EDIL3: variants seen among roughly 807,000 people sequenced by gnomAD.
The protein encoded by EDIL3 is EGF like and discoidin domains 3, also known as EGF-like repeat and discoidin I-like domain-containing protein 3.
In EDIL3, 37 loss-of-function variants were observed where a neutral mutation model predicts 67.4. The ratio of observed to expected loss-of-function variants is 0.55; its 90% confidence interval spans 0.42 to 0.72. The LOEUF (loss-of-function observed/expected upper bound fraction) is 0.72. Among genes scored for constraint, EDIL3 ranks in the 30% least tolerant of loss-of-function variants. The pLI is 0.00. For missense variants in EDIL3, 527 were observed against 586.3 expected, an observed-to-expected ratio of 0.90 and a Z score of 1.04; for synonymous variants, 195 against 196.3, an observed-to-expected ratio of 0.99 and a Z score of 0.05.
chr5:84,135,272 G>C (rs1395706723), intron 5 of EDIL3, among the ~76,000 whole-genome samples: 1 of 152,096 alleles, frequency 6.6e-6, no homozygotes, highest in Non-Finnish European at 1.5e-5. Context: ...AAATGGGAAG[G>C]CTTCTCCCCC....
chr5:83,978,375 TATAAC>T (rs1272261350), intron 9 of EDIL3, among the ~76,000 whole-genome samples: 4 of 151,956 alleles, frequency 2.6e-5, no homozygotes, highest in Non-Finnish European at 4.4e-5. Flanking sequence ...AATGAAAAGA[TATAAC>T]ATATGTCATA....
At chr5:84,263,924 T>C (rs1236919684) in intron 1 of EDIL3, among the ~76,000 whole-genome samples, 2 of 151,974 alleles carry the variant, frequency 1.3e-5, no homozygotes, top group Non-Finnish European at 2.9e-5. Flanking sequence ...TACCAGGAAG[T>C]TTGAGCCTGG....
intron 6 of EDIL3, among the ~76,000 whole-genome samples, chr5:84,080,574 T>C (rs1746947797): frequency 6.6e-6 from 1 of 151,526 alleles, no homozygotes; most frequent in Admixed American, 6.6e-5. Flanking sequence ...GTTATTCTAC[T>C]TATGTAATCT....
intron 1 of EDIL3, among the ~76,000 whole-genome samples, chr5:84,363,132 G>C (rs1747649041): frequency 6.6e-6 from 1 of 151,898 alleles, no homozygotes; most frequent in Non-Finnish European, 1.5e-5. Flanking sequence ...AGTTCCTAGA[G>C]GGAAAATCTC....
At chr5:84,043,693 T>C (rs1746172010) in intron 9 of EDIL3, among the ~76,000 whole-genome samples, 1 of 152,174 alleles carries the variant, frequency 6.6e-6, no homozygotes, top group African/African-American at 2.4e-5. Flanking sequence ...GTATTTTTCA[T>C]GTTTTGAGAC....
chr5:84,216,982 C>A (rs559883870), intron 3 of EDIL3, among the ~76,000 whole-genome samples: 1 of 152,090 alleles, frequency 6.6e-6, no homozygotes, highest in Admixed American at 6.5e-5. Context: ...AAGACAAAAG[C>A]CCCTGAAGTT....
At chr5:84,276,151 TCCTATC>T (rs1041292829) in intron 1 of EDIL3, among the ~76,000 whole-genome samples, 1 of 152,130 alleles carries the variant, frequency 6.6e-6, no homozygotes, top group Non-Finnish European at 1.5e-5. Flanking sequence ...TGCCATCTCA[TCCTATC>T]TTATCTCATT....
chr5:84,242,980 C>T (rs1744828823), intron 2 of EDIL3, among the ~76,000 whole-genome samples: 1 of 151,996 alleles, frequency 6.6e-6, no homozygotes, highest in African/African-American at 2.4e-5. Flanking sequence ...AATCAATGAC[C>T]TTGGTCTAAT....
chr5:84,039,491 C>T (rs1281882335), intron 9 of EDIL3, among the ~76,000 whole-genome samples: 6 of 152,120 alleles, frequency 3.9e-5, no homozygotes, highest in Non-Finnish European at 7.4e-5. Context: ...AACTATTAGA[C>T]TTTTCAGTAT....
At chr5:84,075,892 A>ACG (rs757437475) in intron 6 of EDIL3, among the ~76,000 whole-genome samples, 552 of 35,130 alleles carry the variant, frequency 0.016, 3 homozygotes, top group African/African-American at 0.04. Context: ...GTGTGCACGC[A>ACG]CACACACACA....
At chr5:84,329,368 C>T (rs1746826923) in intron 1 of EDIL3, among the ~76,000 whole-genome samples, 2 of 151,944 alleles carry the variant, frequency 1.3e-5, no homozygotes, top group African/African-American at 4.8e-5. Context: ...TCAAGATAAA[C>T]AATTTAACTG....
intron 9 of EDIL3, among the ~76,000 whole-genome samples, chr5:84,046,986 C>T (rs913419794): frequency 6.6e-6 from 1 of 152,200 alleles, no homozygotes; most frequent in Non-Finnish European, 1.5e-5. Flanking sequence ...AGTAATCATA[C>T]ATGCAGGCAG....
intron 9 of EDIL3, among the ~76,000 whole-genome samples, chr5:84,033,415 T>C (rs1355409513): frequency 6.6e-6 from 1 of 152,138 alleles, no homozygotes; most frequent in African/African-American, 2.4e-5. Flanking sequence ...AATTCAAAGA[T>C]ATTAAAATAC....
At chr5:84,053,078 T>A (rs1417071997) in intron 9 of EDIL3, among the ~76,000 whole-genome samples, 1 of 152,144 alleles carries the variant, frequency 6.6e-6, no homozygotes, top group Non-Finnish European at 1.5e-5. Context: ...CCTCAGCAAA[T>A]GTAAAAGAAC....
intron 4 of EDIL3, among the ~76,000 whole-genome samples, chr5:84,155,502 G>A (rs1248613713): frequency 1.3e-5 from 2 of 152,024 alleles, no homozygotes; most frequent in East Asian, 3.9e-4. Flanking sequence ...TCATAACATT[G>A]GAGTATTCCA....
At chr5:84,040,482 TTATA>T (rs1458297147) in intron 9 of EDIL3, among the ~76,000 whole-genome samples, 3 of 149,196 alleles carry the variant, frequency 2.0e-5, no homozygotes, top group Non-Finnish European at 4.4e-5. Flanking sequence ...CATAATTTAA[TTATA>T]TATATAAAGG....
chr5:84,112,959 C>T (rs998659612), intron 5 of EDIL3, among the ~76,000 whole-genome samples: 3 of 152,110 alleles, frequency 2.0e-5, no homozygotes, highest in African/African-American at 7.2e-5. Context: ...CACTTACATG[C>T]TCTCAAAGGT....
chr5:84,319,494 C>CAAAAAAAAA lies in EDIL3; in HGVS notation c.67+64805_67+64813dup, dbSNP rs55738450. Among the ~76,000 whole-genome samples the CAAAAAAAAA allele has an allele frequency of 1.5e-3, 65 of 42,826 alleles. 1 individual carries two copies. Among genetic ancestry groups the CAAAAAAAAA allele is most frequent in the African/African-American group, 2.4e-3 (27 of 11,210 alleles). 28.1% of individuals were successfully genotyped at this position (42,826 alleles called of 152,430 possible). On this transcript the variant is annotated intron_variant, in intron 1 of 10. Coordinates refer to ENST00000296591, the MANE Select transcript of EDIL3 (RefSeq NM_005711.5). ...AAAAAAAACAAAAAACAAAAAACAA[C>CAAAAAAAAA]AAAAAAAAAAAAAAAAAAAAAAAAA...
At chr5:84,355,541 C>T (rs533775314) in intron 1 of EDIL3, among the ~76,000 whole-genome samples, 116 of 152,192 alleles carry the variant, frequency 7.6e-4, no homozygotes, top group African/African-American at 2.8e-3. Flanking sequence ...CAATCAGGCC[C>T]CTCTGCTGCA....
Sources: gnomAD v4.1 joint callset for allele counts (sites outside exome capture counted in the v4.1 genomes callset) on GRCh38, gnomAD v4.1.1 for gene constraint, MANE v1.5 for transcripts, NCBI Gene and HGNC (gene_info 2026-07-23, HGNC 2026-07-21) for gene names.